Variants in PNCK observed in about 807,000 individuals in gnomAD.
PNCK encodes pregnancy up-regulated nonubiquitous CaM kinase.
In PNCK, 21 loss-of-function variants were observed where a neutral mutation model predicts 28.3. The ratio of observed to expected loss-of-function variants is 0.74; its 90% CI spans 0.53 to 1.07. The LOEUF (loss-of-function observed/expected upper bound fraction) is 1.07, where lower values mean the gene tolerates loss of function less well. Ranked by LOEUF, PNCK falls within the 50% of genes least tolerant of loss-of-function variation. The pLI, the probability that PNCK is intolerant of heterozygous loss-of-function variation, is 0.00. For synonymous variants in PNCK, 136 were observed against 125.2 expected, an observed-to-expected ratio of 1.09 and a Z score of -0.58; for missense variants, 250 against 298.3, an observed-to-expected ratio of 0.84 and a Z score of 1.19.
chrX:153,686,266 C>T (rs1458400721), intron 1 of PNCK, among the ~76,000 whole-genome samples: 1 of 111,938 alleles, frequency 8.9e-6, no homozygotes, highest in African/African-American at 3.2e-5. Flanking sequence ...GGTCACTTCC[C>T]CAAAGTGCCA....
intron 1 of PNCK, among the ~76,000 whole-genome samples, chrX:153,683,172 G>A (rs782001783): frequency 8.9e-6 from 1 of 112,396 alleles, no homozygotes; most frequent in African/African-American, 3.2e-5. Context: ...ATGGAGTCTC[G>A]CTCTGTCGCC....
chrX:153,683,344 GT>G (rs782738560), intron 1 of PNCK, among the ~76,000 whole-genome samples: 1 of 110,808 alleles, frequency 9.0e-6, no homozygotes, highest in South Asian at 3.8e-4. Context: ...GCTTCACCAT[GT>G]TAGCCTGGAT....
At chrX:153,686,294 T>C (rs1314289267) in intron 1 of PNCK, among the ~76,000 whole-genome samples, 1 of 111,493 alleles carries the variant, frequency 9.0e-6, no homozygotes, top group Non-Finnish European at 1.9e-5. Context: ...TCCTACATCC[T>C]TCTCGAGCCT....
chrX:153,683,388 T>C (rs1167845230), intron 1 of PNCK, among the ~76,000 whole-genome samples: 4 of 109,942 alleles, frequency 3.6e-5, no homozygotes, highest in African/African-American at 1.3e-4. Context: ...GATCCACCCA[T>C]GTTGGCCTCC....
At chrX:153,687,391 G>A (rs781913057) in intron 1 of PNCK, 8 of 324,161 alleles carry the variant, frequency 2.5e-5, no homozygotes, top group Non-Finnish European at 4.8e-5. Flanking sequence ...AGCCAGGCAG[G>A]CTCCCCTCTG....
chrX:153,677,790 AGT>A (rs782563774), upstream of PNCK, among the ~76,000 whole-genome samples: 4 of 104,975 alleles, frequency 3.8e-5, no homozygotes, highest in Admixed American at 1.1e-4. Flanking sequence ...GTGTGTATAT[AGT>A]GTGTGTATAT....
At chrX:153,681,356 A>C (rs192526403) in intron 1 of PNCK, among the ~76,000 whole-genome samples, 112 of 111,668 alleles carry the variant, frequency 1.0e-3, no homozygotes, top group African/African-American at 3.1e-3. Context: ...GTCACTTCCC[A>C]GTGGAGAGAC....
intron 1 of PNCK, among the ~76,000 whole-genome samples, chrX:153,682,003 G>A (rs1463364486): frequency 8.9e-6 from 1 of 111,909 alleles, no homozygotes; most frequent in Non-Finnish European, 1.9e-5. Context: ...TGTTTTGTTT[G>A]TTTGAGACAG....
chrX:153,673,912 G>C, upstream of PNCK: 1 of 944,314 alleles, frequency 1.1e-6, no homozygotes. Context: ...CAGCGCGGCC[G>C]CGGCGCCGCA....
chrX:153,681,930 T>G (rs1344695941), intron 1 of PNCK, among the ~76,000 whole-genome samples: 1 of 107,643 alleles, frequency 9.3e-6, no homozygotes, highest in Non-Finnish European at 1.9e-5. Context: ...AATGGGTTCA[T>G]TTTGCTCACT....
At chrX:153,676,966 T>C (rs1448004505), upstream of PNCK, among the ~76,000 whole-genome samples, 1 of 110,936 alleles carries the variant, frequency 9.0e-6, no homozygotes, top group African/African-American at 3.3e-5. Context: ...TAACATGGAG[T>C]CTCAGTCTTG....
At chrX:153,677,049 C>T (rs2091369410), upstream of PNCK, among the ~76,000 whole-genome samples, 1 of 111,072 alleles carries the variant, frequency 9.0e-6, no homozygotes, top group African/African-American at 3.3e-5. Context: ...AAGCGATTCT[C>T]CCACTTCAGC....
upstream of PNCK, among the ~76,000 whole-genome samples, chrX:153,677,739 G>T (rs202034407): frequency 2.5e-5 from 2 of 80,414 alleles, no homozygotes; most frequent in Non-Finnish European, 4.9e-5. Flanking sequence ...TGTATATATA[G>T]TGTGTATATA....
chrX:153,683,228 C>T (rs1051959143), intron 1 of PNCK, among the ~76,000 whole-genome samples: 2 of 111,995 alleles, frequency 1.8e-5, no homozygotes, highest in Admixed American at 1.9e-4. Flanking sequence ...GCAAGCTCCG[C>T]CTCCCAGGTT....
At chrX:153,683,231 C>A (rs2091402991) in intron 1 of PNCK, among the ~76,000 whole-genome samples, 1 of 111,898 alleles carries the variant, frequency 8.9e-6, no homozygotes, top group African/African-American at 3.3e-5. Context: ...AGCTCCGCCT[C>A]CCAGGTTCAA....
At chrX:153,673,372 A>G in intron 1 of PNCK, 1 of 1,005,051 alleles carries the variant, frequency 9.9e-7, no homozygotes, top group Non-Finnish European at 1.3e-6. Flanking sequence ...GCCGCTTTCC[A>G]GAAGGCTCCA....
intron 4 of PNCK, 28 bp from the exon 5 acceptor site, chrX:153,672,046 C>G (rs1557040146): frequency 1.7e-6 from 2 of 1,205,980 alleles, no homozygotes; most frequent in East Asian, 5.9e-5. Context: ...TTGGCTGACC[C>G]AGGCACTCAG....
chrX:153,675,864 C>T (rs908776419), upstream of PNCK, among the ~76,000 whole-genome samples: 1 of 108,607 alleles, frequency 9.2e-6, no homozygotes, highest in Admixed American at 9.6e-5. Context: ...ACCCTCCGGC[C>T]TGGCAAGGTG....
intron 1 of PNCK, among the ~76,000 whole-genome samples, chrX:153,685,502 G>A (rs1267219992): frequency 4.5e-5 from 5 of 111,763 alleles, no homozygotes; most frequent in South Asian, 7.4e-4. Context: ...GGGCAGGGGC[G>A]GCTCCCAGGG....
Sources: allele counts gnomAD v4.1 joint callset (sites outside exome capture counted in the v4.1 genomes callset), GRCh38; gene constraint gnomAD v4.1.1; transcripts MANE v1.5; gene names NCBI Gene and HGNC (gene_info 2026-07-23, HGNC 2026-07-21).